The following CELF4 variants were observed in gnomAD, a reference collection of about 807,000 sequenced individuals.
CELF4 encodes CUG-BP- and ETR-3-like factor 4.
In CELF4, 18 loss-of-function variants were observed where a neutral mutation model predicts 59.9. The observed-to-expected ratio is 0.30, with a 90% CI of 0.21 to 0.45. The LOEUF (loss-of-function observed/expected upper bound fraction) is 0.45, where lower values mean the gene tolerates loss of function less well. CELF4 is among the 20% of genes least tolerant of loss of function. The pLI is 1.00. For synonymous variants in CELF4, 261 were observed against 267.1 expected (o/e 0.98, Z 0.22); for missense variants, 456 against 689.0 (o/e 0.66, Z 3.79).
At chr18:37,408,269 G>A (rs2099403672) in intron 2 of CELF4, among the ~76,000 whole-genome samples, 1 of 152,076 alleles carries the variant, frequency 6.6e-6, no homozygotes. Context: ...TCCATGATAG[G>A]AATTATGAGC....
intron 12 of CELF4, among the ~76,000 whole-genome samples, chr18:37,250,197 C>T (rs777787692): frequency 8.5e-5 from 13 of 152,172 alleles, no homozygotes; most frequent in Admixed American, 4.6e-4. Context: ...GCCTTTGCTT[C>T]CTTCCTTATT....
intron 2 of CELF4, among the ~76,000 whole-genome samples, chr18:37,381,798 T>C (rs1260433619): frequency 2.6e-5 from 4 of 152,156 alleles, no homozygotes; most frequent in Admixed American, 6.5e-5. Flanking sequence ...CTTGGCCCAC[T>C]ACCTGCATCT....
chr18:37,565,226 G>A (rs934525845), intron 1 of CELF4, 130 bp downstream of exon 1: 121 of 967,056 alleles, frequency 1.3e-4, no homozygotes, highest in Non-Finnish European at 1.6e-4. Flanking sequence ...CTGCCCGAGC[G>A]CCTCCCTCCA....
chr18:37,510,585 G>C (rs568215452), intron 1 of CELF4, among the ~76,000 whole-genome samples: 1 of 152,300 alleles, frequency 6.6e-6, no homozygotes, highest in African/African-American at 2.4e-5. Flanking sequence ...TCCACTTACA[G>C]AATGAAACTC....
intron 3 of CELF4, among the ~76,000 whole-genome samples, chr18:37,321,459 G>C (rs552596691): frequency 6.6e-6 from 1 of 152,188 alleles, no homozygotes; most frequent in Non-Finnish European, 1.5e-5. Flanking sequence ...CCTTCTAACT[G>C]CACAAGCCCC....
chr18:37,292,457 GC>G lies in CELF4; in HGVS notation c.449-17215del, dbSNP rs1426917173. Among the ~76,000 whole-genome samples the G allele has an allele frequency of 3.3e-5, 5 of 152,282 alleles. No homozygotes were observed. In the East Asian group the frequency reaches 9.7e-4, roughly 29 times the overall value. ...GGCCCTTAAATCGCCCCACAGAAGT[GC>G]CCACTCATTCAGCCTTGGGAAGACT... On this transcript the variant is annotated intron_variant, in intron 3 of 12. Transcript: ENST00000420428.
intron 1 of CELF4, among the ~76,000 whole-genome samples, chr18:37,552,029 C>T (rs2154605921): frequency 6.6e-6 from 1 of 152,338 alleles, no homozygotes; most frequent in South Asian, 2.1e-4. Flanking sequence ...CCTGCTCTGT[C>T]CCGTTCCCAT....
chr18:37,262,405 A>AGG (rs577832169), intron 10 of CELF4, among the ~76,000 whole-genome samples: 1 of 126,546 alleles, frequency 7.9e-6, no homozygotes, highest in Non-Finnish European at 1.7e-5. Flanking sequence ...GGGGTGGGGG[A>AGG]GGGGGGGGCA....
At chr18:37,496,623 C>T (rs1478360376) in intron 1 of CELF4, among the ~76,000 whole-genome samples, 1 of 152,172 alleles carries the variant, frequency 6.6e-6, no homozygotes, top group African/African-American at 2.4e-5. Flanking sequence ...CCAGGAGTCC[C>T]ATATTACAGG....
At chr18:37,273,449 C>T in intron 6 of CELF4, 2 of 1,158,976 alleles carry the variant, frequency 1.7e-6, no homozygotes, top group Non-Finnish European at 2.1e-6. Context: ...GGGTGCTAGT[C>T]AGCCCTGTGT....
At chr18:37,283,540 A>G (rs2154389061) in intron 3 of CELF4, among the ~76,000 whole-genome samples, 1 of 152,328 alleles carries the variant, frequency 6.6e-6, no homozygotes, top group South Asian at 2.1e-4. Context: ...GTAGATGCTC[A>G]ATAAATACAT....
intron 2 of CELF4, among the ~76,000 whole-genome samples, chr18:37,484,244 C>A (rs945562807): frequency 2.6e-5 from 4 of 152,198 alleles, no homozygotes; most frequent in African/African-American, 9.6e-5. Context: ...TTCTCAGAAG[C>A]CTTTGATTAT....
At chr18:37,393,345 A>C (rs990714917) in intron 2 of CELF4, among the ~76,000 whole-genome samples, 3 of 152,174 alleles carry the variant, frequency 2.0e-5, no homozygotes, top group Admixed American at 6.5e-5. Context: ...GCATGGGGTA[A>C]ATTTACACAA....
At chr18:37,352,986 C>G (rs1422958210) in intron 2 of CELF4, among the ~76,000 whole-genome samples, 1 of 151,974 alleles carries the variant, frequency 6.6e-6, no homozygotes, top group Non-Finnish European at 1.5e-5. Flanking sequence ...CTTTGGGAGG[C>G]CAAGGTGGGC....
At chr18:37,257,161 G>A (rs756026800) in intron 11 of CELF4, among the ~76,000 whole-genome samples, 1 of 152,202 alleles carries the variant, frequency 6.6e-6, no homozygotes, top group Admixed American at 6.5e-5. Flanking sequence ...CAGACTGCAA[G>A]GAAATGCCTT....
At chr18:37,348,056 C>T (rs557657880) in intron 2 of CELF4, among the ~76,000 whole-genome samples, 11 of 152,254 alleles carry the variant, frequency 7.2e-5, no homozygotes, top group South Asian at 2.1e-4. Flanking sequence ...TCCTCCAGGC[C>T]GGGCCTCTGG....
intron 2 of CELF4, among the ~76,000 whole-genome samples, chr18:37,336,912 C>G (rs1445339135): frequency 6.6e-6 from 1 of 151,820 alleles, no homozygotes; most frequent in Non-Finnish European, 1.5e-5. Context: ...GGCGGGGCTG[C>G]CGGGCTGGCC....
intron 3 of CELF4, among the ~76,000 whole-genome samples, chr18:37,307,965 AGACATGC>A (rs1344877878): frequency 6.6e-6 from 1 of 152,156 alleles, no homozygotes; most frequent in Non-Finnish European, 1.5e-5. Context: ...TTCTGAGGAT[AGACATGC>A]GCCTGAAAGT....
At chr18:37,412,478 A>T (rs577894553) in intron 2 of CELF4, among the ~76,000 whole-genome samples, 11 of 151,930 alleles carry the variant, frequency 7.2e-5, no homozygotes, top group Non-Finnish European at 1.5e-4. Flanking sequence ...GAGCAGATGG[A>T]TGCATGCATG....
Sources: allele counts gnomAD v4.1 joint callset (sites outside exome capture counted in the v4.1 genomes callset), GRCh38; gene constraint gnomAD v4.1.1; transcripts MANE v1.5; gene names NCBI Gene and HGNC (gene_info 2026-07-23, HGNC 2026-07-21).